CLOCK: variants seen among roughly 807,000 people sequenced by gnomAD.
The protein encoded by CLOCK is clock circadian regulator, also known as circadian locomoter output cycles protein kaput.
A neutral mutation model predicts 118.4 loss-of-function variants in CLOCK; 43 were observed. The ratio of observed to expected loss-of-function variants is 0.36; its 90% CI spans 0.28 to 0.47. CLOCK has a LOEUF of 0.47. CLOCK is among the 20% of genes least tolerant of loss of function. CLOCK has a pLI of 1.00. For synonymous variants in CLOCK, 326 were observed against 339.2 expected (o/e 0.96, Z 0.43); for missense variants, 846 against 999.9 (o/e 0.85, Z 2.08).
rs1327797407 is a variant in CLOCK at position 55,504,115 on chromosome 4, T to C, written c.-136+5797A>G. ...CTGGCTAACACAGTGAAACCCTGTC[T>C]CTACTAAAAATACAAAAAAAATTAG... On this transcript the variant is annotated intron_variant, in intron 2 of 22. Coordinates refer to ENST00000513440, the MANE Select transcript of CLOCK (RefSeq NM_004898.4). 4.0e-5 allele frequency among the ~76,000 whole-genome samples: 6 copies of C among 149,592 alleles called. No homozygotes were observed. The East Asian group carries it at 1.2e-3, about 30-fold the overall frequency.
chr4:55,533,160 A>C lies in CLOCK; in HGVS notation c.-290+13622T>G, dbSNP rs573318634. Among the ~76,000 whole-genome samples the C allele has an allele frequency of 1.4e-4, 22 of 152,166 alleles. 1 individual carries two copies. The highest frequency in any genetic ancestry group is 2.8e-4 in the Non-Finnish European group (19 of 68,030). ...CATACAGAATCTCAAGGGACCCCCAAGTAGCCAAACCAGTCTTGAAAAACC... is the reference window on the plus strand; with the variant it reads ...CATACAGAATCTCAAGGGACCCCCACGTAGCCAAACCAGTCTTGAAAAACC... On this transcript the variant is annotated intron_variant, in intron 1 of 22. Transcript: ENST00000513440.
intron 2 of CLOCK, among the ~76,000 whole-genome samples, chr4:55,494,335 T>C (rs1017962911): frequency 6.6e-6 from 1 of 152,156 alleles, no homozygotes; most frequent in Non-Finnish European, 1.5e-5. Flanking sequence ...CTGGACCTTA[T>C]GAAGATGTTA....
At chr4:55,506,457 A>G (rs1474197808) in intron 2 of CLOCK, among the ~76,000 whole-genome samples, 2 of 152,236 alleles carry the variant, frequency 1.3e-5, no homozygotes, top group African/African-American at 4.8e-5. Context: ...CATTAAAAAA[A>G]GAGGTTCAGT....
intron 21 of CLOCK, among the ~76,000 whole-genome samples, chr4:55,439,405 A>G (rs1366601081): frequency 6.6e-6 from 1 of 152,170 alleles, no homozygotes; most frequent in African/African-American, 2.4e-5. Flanking sequence ...AACCTTGTGC[A>G]GTGCTGGTGG....
intron 3 of CLOCK, among the ~76,000 whole-genome samples, chr4:55,484,500 G>C (rs1727155329): frequency 6.6e-6 from 1 of 152,180 alleles, no homozygotes; most frequent in African/African-American, 2.4e-5. Flanking sequence ...GAATTTTAGA[G>C]GTAGAAGAGA....
chr4:55,449,048 T>C (rs1724196019), intron 17 of CLOCK, among the ~76,000 whole-genome samples, 180 bp from the exon 18 acceptor site: 1 of 152,152 alleles, frequency 6.6e-6, no homozygotes, highest in East Asian at 1.9e-4. Flanking sequence ...TATTTATCTT[T>C]TATTTTCCAA....
intron 2 of CLOCK, among the ~76,000 whole-genome samples, chr4:55,507,222 C>T (rs116181794): frequency 0.028 from 4,309 of 152,058 alleles, 216 homozygotes; most frequent in African/African-American, 0.099. Flanking sequence ...GGCTAAGGTG[C>T]GACGATCGCT....
At chr4:55,542,872 C>T (rs751958244) in intron 1 of CLOCK, among the ~76,000 whole-genome samples, 2 of 152,060 alleles carry the variant, frequency 1.3e-5, no homozygotes, top group South Asian at 2.1e-4. Flanking sequence ...CATACACTAT[C>T]GATCAAGTCA....
At chr4:55,544,755 T>C (rs146204442) in intron 1 of CLOCK, among the ~76,000 whole-genome samples, 179 of 152,310 alleles carry the variant, frequency 1.2e-3, no homozygotes, top group African/African-American at 4.1e-3. Flanking sequence ...GACATACACA[T>C]AATACATCTC....
intron 2 of CLOCK, among the ~76,000 whole-genome samples, chr4:55,500,446 C>T (rs1020324178): frequency 6.6e-6 from 1 of 151,638 alleles, no homozygotes; most frequent in African/African-American, 2.4e-5. Flanking sequence ...TGGGCTCAAG[C>T]AATTCCCTGC....
At chr4:55,442,765 G>A in intron 20 of CLOCK, 131 bp from the exon 21 acceptor site, 3 of 817,718 alleles carry the variant, frequency 3.7e-6, no homozygotes, top group Non-Finnish European at 6.0e-6. Context: ...TTACTCTGGG[G>A]GAAATATAAC....
chr4:55,488,876 G>A (rs569614146), intron 3 of CLOCK, among the ~76,000 whole-genome samples: 1 of 152,214 alleles, frequency 6.6e-6, no homozygotes, highest in East Asian at 1.9e-4. Flanking sequence ...GGGATCACAG[G>A]CATACGTCAT....
rs150433052 is a variant in CLOCK, at chr4:55,539,266, C to T, written c.-290+7516G>A. Among the ~76,000 whole-genome samples the T allele has an allele frequency of 5.3e-3, 793 of 150,462 alleles. 3 individuals carry two copies. The highest frequency in any genetic ancestry group is 8.9e-3 in the Non-Finnish European group (602 of 67,502). On this transcript the variant is annotated intron_variant, in intron 1 of 22. Coordinates refer to ENST00000513440, the MANE Select transcript of CLOCK (RefSeq NM_004898.4). ...AACAACAACAACAACAAAAAAAACA[C>T]CAAAAACCACTTCAAAAAAGGTGAA...
chr4:55,469,485 G>T (rs189911797), intron 8 of CLOCK, among the ~76,000 whole-genome samples: 1 of 152,308 alleles, frequency 6.6e-6, no homozygotes, highest in African/African-American at 2.4e-5. Flanking sequence ...TACAGGAGAT[G>T]ACTCCATGCC....
intron 1 of CLOCK, among the ~76,000 whole-genome samples, chr4:55,521,594 T>TA (rs1729848563): frequency 6.6e-6 from 1 of 152,256 alleles, no homozygotes; most frequent in Non-Finnish European, 1.5e-5. Flanking sequence ...TGATTCTTGC[T>TA]ATGGTTATAC....
At chr4:55,500,248 T>C (rs1728347611) in intron 2 of CLOCK, among the ~76,000 whole-genome samples, 1 of 152,202 alleles carries the variant, frequency 6.6e-6, no homozygotes, top group Non-Finnish European at 1.5e-5. Flanking sequence ...TGACTTCCCT[T>C]CTCAGTTTGC....
At chr4:55,488,422 G>A (rs1412971548) in intron 3 of CLOCK, among the ~76,000 whole-genome samples, 2 of 152,160 alleles carry the variant, frequency 1.3e-5, no homozygotes, top group African/African-American at 4.8e-5. Flanking sequence ...GATTTTAAAG[G>A]TGTCCAAAAT....
At chr4:55,443,383 G>A (rs1723526348) in intron 20 of CLOCK, among the ~76,000 whole-genome samples, 1 of 150,974 alleles carries the variant, frequency 6.6e-6, no homozygotes, top group Admixed American at 6.6e-5. Flanking sequence ...GTTGGGGCAG[G>A]AGAATCGCTT....
At chr4:55,500,338 T>C (rs1368700539) in intron 2 of CLOCK, among the ~76,000 whole-genome samples, 1 of 152,130 alleles carries the variant, frequency 6.6e-6, no homozygotes, top group Non-Finnish European at 1.5e-5. Context: ...GTTTTTGTTT[T>C]GTTTGGGGGG....
Sources: allele counts gnomAD v4.1 joint callset (sites outside exome capture counted in the v4.1 genomes callset), GRCh38; gene constraint gnomAD v4.1.1; transcripts MANE v1.5; gene names NCBI Gene and HGNC (gene_info 2026-07-23, HGNC 2026-07-21).